SUCLG2: variants seen among roughly 807,000 people sequenced by gnomAD.
SUCLG2 encodes succinate--CoA ligase [GDP-forming] subunit beta, mitochondrial.
A neutral mutation model predicts 47.9 loss-of-function variants in SUCLG2; 42 were observed. The observed-to-expected ratio is 0.88, with a 90% CI of 0.69 to 1.14. The LOEUF is 1.14. Among genes scored for constraint, SUCLG2 ranks in the 50% most tolerant of loss-of-function variants. The pLI, the probability that SUCLG2 is intolerant of heterozygous loss-of-function variation, is 0.00. For synonymous variants in SUCLG2, 195 were observed against 197.3 expected (o/e 0.99, Z 0.10); for missense variants, 571 against 525.9 (o/e 1.09, Z -0.84).
At chr3:67,650,754 C>CA (rs55962727) in intron 1 of SUCLG2, among the ~76,000 whole-genome samples, 3 of 150,356 alleles carry the variant, frequency 2.0e-5, no homozygotes, top group Non-Finnish European at 3.0e-5. Flanking sequence ...GACTCTCTTT[C>CA]AAAAAAAAAG....
At position 67,597,156 on chromosome 3, in the gene SUCLG2, G is replaced by C. The variant is rs561317252; in HGVS notation, c.226+12299C>G. On this transcript the variant is annotated intron_variant, in intron 2 of 10. Coordinates refer to ENST00000307227, the MANE Select transcript of SUCLG2 (RefSeq NM_003848.4). ...TAAGGCTGTTCTGTGGCATCAGACA[G>C]GAGGATCAGCCTGAAGAGAACCCTG... 3.9e-4 allele frequency among the ~76,000 whole-genome samples: 59 copies of C among 152,184 alleles called. 1 individual carries two copies. Among genetic ancestry groups the C allele is most frequent in the Admixed American group, 6.5e-4 (10 of 15,272 alleles).
intron 2 of SUCLG2, among the ~76,000 whole-genome samples, chr3:67,547,531 C>A (rs1706898011): frequency 6.6e-6 from 1 of 152,134 alleles, no homozygotes; most frequent in Non-Finnish European, 1.5e-5. Flanking sequence ...AGGTTCCTGA[C>A]CCTTTCTCAT....
At chr3:67,380,992 A>AGGGGAGG (rs140013256) in intron 10 of SUCLG2, among the ~76,000 whole-genome samples, 93 of 151,988 alleles carry the variant, frequency 6.1e-4, no homozygotes, top group African/African-American at 2.1e-3. Context: ...AACAACTGGA[A>AGGGGAGG]GGGGAGGTGG....
chr3:67,376,113 G>A, intron 10 of SUCLG2: 3 of 985,460 alleles, frequency 3.0e-6, no homozygotes, highest in South Asian at 9.4e-5. Context: ...TGGAAGCTGA[G>A]TTGTCTGCTG....
intron 10 of SUCLG2, among the ~76,000 whole-genome samples, chr3:67,382,308 C>G (rs1223466842): frequency 6.6e-6 from 1 of 152,170 alleles, no homozygotes; most frequent in Admixed American, 6.5e-5. Context: ...ACATCCCCAG[C>G]AAGTCAGAGG....
chr3:67,454,961 CAAAAAAAA>C (rs61683854), intron 9 of SUCLG2, among the ~76,000 whole-genome samples: 4 of 111,610 alleles, frequency 3.6e-5, no homozygotes, highest in Non-Finnish European at 5.4e-5. Flanking sequence ...GACTCCGTCT[CAAAAAAAA>C]AAAAAAAAAA....
chr3:67,636,885 C>T (rs147896584), intron 1 of SUCLG2, among the ~76,000 whole-genome samples: 160 of 151,462 alleles, frequency 1.1e-3, no homozygotes, highest in African/African-American at 3.4e-3. Context: ...AGACCCAAAA[C>T]AGACAACATC....
At chr3:67,425,719 T>A (rs1703282727) in intron 9 of SUCLG2, among the ~76,000 whole-genome samples, 1 of 152,202 alleles carries the variant, frequency 6.6e-6, no homozygotes, top group African/African-American at 2.4e-5. Flanking sequence ...CAGCAGATTG[T>A]GGGATTCCTT....
chr3:67,615,590 G>C (rs899312588), intron 1 of SUCLG2, among the ~76,000 whole-genome samples: 11 of 147,524 alleles, frequency 7.5e-5, no homozygotes, highest in Non-Finnish European at 1.5e-4. Context: ...CAAAAGGAAT[G>C]AAGATGCCAC....
At position 67,379,008 on chromosome 3, in the gene SUCLG2, G is replaced by A. The variant is rs574135307; in HGVS notation, c.1184-3149C>T. Among the ~76,000 whole-genome samples the A allele has an allele frequency of 1.6e-3, 245 of 152,224 alleles. 2 individuals carry two copies. Among genetic ancestry groups the A allele is most frequent in the Non-Finnish European group, 1.5e-3 (104 of 68,012 alleles). On this transcript the variant is annotated intron_variant, in intron 10 of 10. Coordinates refer to ENST00000307227, the MANE Select transcript of SUCLG2 (RefSeq NM_003848.4). Reference sequence around the variant, plus strand: ...GTCACCCAGGCTGGAGTGCAGTGGCGTGATCTCAGCTCACTGCAACCTTCA... The same window carrying A: ...GTCACCCAGGCTGGAGTGCAGTGGCATGATCTCAGCTCACTGCAACCTTCA...
chr3:67,629,550 T>A (rs1337970340), intron 1 of SUCLG2, among the ~76,000 whole-genome samples: 1 of 152,170 alleles, frequency 6.6e-6, no homozygotes. Flanking sequence ...TCCCCTAATG[T>A]CAGTGTTTCA....
chr3:67,416,727 G>A (rs1025999073), intron 9 of SUCLG2, among the ~76,000 whole-genome samples: 7 of 152,146 alleles, frequency 4.6e-5, no homozygotes, highest in Non-Finnish European at 1.0e-4. Flanking sequence ...ATATTGCTAA[G>A]TATATGACTA....
chr3:67,439,187 C>G (rs1703696791), intron 9 of SUCLG2, among the ~76,000 whole-genome samples: 2 of 152,068 alleles, frequency 1.3e-5, no homozygotes, highest in Admixed American at 1.3e-4. Context: ...AAATTCAACA[C>G]CTCTTCATGC....
chr3:67,435,228 C>T (rs190422053), intron 9 of SUCLG2, among the ~76,000 whole-genome samples: 63 of 152,162 alleles, frequency 4.1e-4, no homozygotes, highest in Non-Finnish European at 7.2e-4. Flanking sequence ...TTGATTTAGG[C>T]CCAAACAATA....
chr3:67,621,932 T>G (rs1289531122), intron 1 of SUCLG2, among the ~76,000 whole-genome samples: 1 of 152,218 alleles, frequency 6.6e-6, no homozygotes, highest in South Asian at 2.1e-4. Flanking sequence ...CTGCACATCA[T>G]TCCACCACAT....
intron 2 of SUCLG2, among the ~76,000 whole-genome samples, chr3:67,559,172 G>C (rs1026837720): frequency 7.9e-5 from 12 of 152,026 alleles, no homozygotes; most frequent in African/African-American, 2.7e-4. Flanking sequence ...GCTAACATAC[G>C]TGCACAAGGG....
intron 1 of SUCLG2, among the ~76,000 whole-genome samples, chr3:67,634,631 A>G (rs541432331): frequency 7.2e-5 from 11 of 152,332 alleles, no homozygotes; most frequent in African/African-American, 2.6e-4. Flanking sequence ...TCATCTGGAT[A>G]AGCAAACTAC....
chr3:67,392,254 C>T (rs981492075), intron 10 of SUCLG2, among the ~76,000 whole-genome samples: 4 of 152,144 alleles, frequency 2.6e-5, no homozygotes, highest in Non-Finnish European at 4.4e-5. Context: ...CACTCGCATC[C>T]TCTCCACCTT....
Position 67,378,885 on chromosome 3 carries a change from A to G in SUCLG2, c.1184-3026T>C, listed in dbSNP as rs1030846102. On this transcript the variant is annotated intron_variant, in intron 10 of 10. Coordinates refer to ENST00000307227, the MANE Select transcript of SUCLG2 (RefSeq NM_003848.4). ...TCATGGAGTAATGACAGAGTGTGAA[A>G]CAAAAGCCCTGATGGACACAGGAGC... 5.9e-5 allele frequency among the ~76,000 whole-genome samples: 9 copies of G among 152,350 alleles called. 1 individual carries two copies. The highest frequency in any genetic ancestry group is 2.6e-4 in the Admixed American group (4 of 15,308).
Sources: gnomAD v4.1 joint callset for allele counts (sites outside exome capture counted in the v4.1 genomes callset) on GRCh38, gnomAD v4.1.1 for gene constraint, MANE v1.5 for transcripts, NCBI Gene and HGNC (gene_info 2026-07-23, HGNC 2026-07-21) for gene names.